PRIM2: variants seen among roughly 807,000 people sequenced by gnomAD.
PRIM2 encodes DNA primase subunit 2.
Under a neutral mutation model 67.3 loss-of-function variants are expected in PRIM2, and 39 were observed. That is an observed-to-expected ratio of 0.58 (90% CI 0.45 to 0.76). The LOEUF (loss-of-function observed/expected upper bound fraction) is 0.76, where lower values mean the gene tolerates loss of function less well. Among genes scored for constraint, PRIM2 ranks in the 30% least tolerant of loss-of-function variants. PRIM2 has a pLI of 0.00. For missense variants in PRIM2, 398 were observed against 598.7 expected, an observed-to-expected ratio of 0.66 and a Z score of 3.50; for synonymous variants, 143 against 198.7, an observed-to-expected ratio of 0.72 and a Z score of 2.36.
At chr6:57,523,441 A>C (rs1397020658) in intron 8 of PRIM2, among the ~76,000 whole-genome samples, 3 of 152,374 alleles carry the variant, frequency 2.0e-5, no homozygotes, top group East Asian at 3.9e-4. Context: ...ACTTGGAGAA[A>C]TTATACAGAT....
At chr6:57,248,304 A>C in the PRIM2 span, among the ~76,000 whole-genome samples, 1 of 152,196 alleles carries the variant, frequency 6.6e-6, no homozygotes, top group African/African-American at 2.4e-5. Context: ...GCAATAAATC[A>C]CACCTATTAA....
intron 5 of PRIM2, among the ~76,000 whole-genome samples, chr6:57,375,050 C>G (rs1769711743): frequency 6.6e-6 from 1 of 152,208 alleles, no homozygotes; most frequent in South Asian, 2.1e-4. Context: ...TATTTGAATA[C>G]TCTTTATTTT....
intron 10 of PRIM2, among the ~76,000 whole-genome samples, chr6:57,581,856 C>A (rs1401157027): frequency 6.6e-6 from 1 of 152,154 alleles, no homozygotes; most frequent in Non-Finnish European, 1.5e-5. Context: ...CATTGAGCAG[C>A]TGCAATTTGC....
intron 13 of PRIM2, among the ~76,000 whole-genome samples, chr6:57,636,332 T>C (rs1777120900): frequency 6.6e-6 from 1 of 152,188 alleles, no homozygotes; most frequent in Non-Finnish European, 1.5e-5. Context: ...TGGATACCTC[T>C]ATTTCTCTAT....
At chr6:57,503,355 T>C (rs1392521318) in intron 7 of PRIM2, among the ~76,000 whole-genome samples, 2 of 152,212 alleles carry the variant, frequency 1.3e-5, no homozygotes, top group Non-Finnish European at 2.9e-5. Flanking sequence ...CAAACCTTTG[T>C]TGGGAAAGTA....
chr6:57,622,816 T>C (rs1776883138), intron 12 of PRIM2, among the ~76,000 whole-genome samples: 1 of 152,200 alleles, frequency 6.6e-6, no homozygotes, highest in Non-Finnish European at 1.5e-5. Flanking sequence ...TTAGTGACTA[T>C]ATTAAATCCA....
At chr6:57,307,808 T>C in the PRIM2 span, among the ~76,000 whole-genome samples, 1 of 152,162 alleles carries the variant, frequency 6.6e-6, no homozygotes, top group Non-Finnish European at 1.5e-5. Flanking sequence ...TCTTCTCTTC[T>C]TCCTATTTCC....
chr6:57,275,173 C>T, the PRIM2 span, among the ~76,000 whole-genome samples: 24 of 151,912 alleles, frequency 1.6e-4, no homozygotes, highest in Non-Finnish European at 2.6e-4. Context: ...TGCAAGCAGA[C>T]GAAATACCAA....
chr6:57,400,990 T>C (rs1770688029), intron 7 of PRIM2, among the ~76,000 whole-genome samples: 1 of 152,198 alleles, frequency 6.6e-6, no homozygotes, highest in Admixed American at 6.5e-5. Context: ...TACTGGCTAT[T>C]TCCTCCTTCA....
chr6:57,467,029 T>C (rs1773215728), intron 7 of PRIM2, among the ~76,000 whole-genome samples: 1 of 141,134 alleles, frequency 7.1e-6, no homozygotes, highest in East Asian at 2.0e-4. Flanking sequence ...CGCTTGAACC[T>C]GGGAAGCGGA....
intron 8 of PRIM2, among the ~76,000 whole-genome samples, chr6:57,528,203 A>G (rs1440482484): frequency 1.3e-5 from 2 of 149,712 alleles, no homozygotes; most frequent in Non-Finnish European, 3.0e-5. Flanking sequence ...TCCTGGGCTC[A>G]AGCGGTCCTC....
chr6:57,597,051 A>G (rs1776379691), intron 10 of PRIM2, among the ~76,000 whole-genome samples: 1 of 151,554 alleles, frequency 6.6e-6, no homozygotes, highest in South Asian at 2.1e-4. Context: ...ACCTCCTATG[A>G]GTAGATGTTT....
At chr6:57,268,784 T>A in the PRIM2 span, among the ~76,000 whole-genome samples, 1 of 65,396 alleles carries the variant, frequency 1.5e-5, no homozygotes, top group Non-Finnish European at 2.7e-5. Flanking sequence ...CCCTCCCCCC[T>A]CCCCCCACCC....
chr6:57,596,697 TTCTTATTC>T (rs1776373917), intron 10 of PRIM2, among the ~76,000 whole-genome samples: 1 of 139,978 alleles, frequency 7.1e-6, no homozygotes, highest in South Asian at 2.2e-4. Flanking sequence ...CTGTCTCTCT[TTCTTATTC>T]TCTTAAAGTA....
At chr6:57,608,133 C>T (rs1776594384) in intron 12 of PRIM2, among the ~76,000 whole-genome samples, 1 of 151,690 alleles carries the variant, frequency 6.6e-6, no homozygotes, top group African/African-American at 2.4e-5. Flanking sequence ...TTCTCTTTGT[C>T]AAGCATTAAA....
intron 8 of PRIM2, among the ~76,000 whole-genome samples, chr6:57,530,553 T>C (rs1581972690): frequency 6.6e-6 from 1 of 152,206 alleles, no homozygotes; most frequent in African/African-American, 2.4e-5. Context: ...AATCTGCTTC[T>C]TCTTAAATTG....
At chr6:57,583,745 C>T (rs1244158575) in intron 10 of PRIM2, among the ~76,000 whole-genome samples, 2 of 152,218 alleles carry the variant, frequency 1.3e-5, no homozygotes, top group Admixed American at 6.5e-5. Context: ...CCTGAGGAAT[C>T]GCCACACTGA....
chr6:57,514,075 C>T (rs1774429085), intron 8 of PRIM2, among the ~76,000 whole-genome samples: 1 of 152,142 alleles, frequency 6.6e-6, no homozygotes, highest in South Asian at 2.1e-4. Flanking sequence ...GATGTTTATA[C>T]AAACCGTTAT....
At chr6:57,560,025 C>G (rs1253451707) in intron 10 of PRIM2, among the ~76,000 whole-genome samples, 2 of 152,120 alleles carry the variant, frequency 1.3e-5, no homozygotes, top group Admixed American at 6.6e-5. Flanking sequence ...TTGACGTTTC[C>G]TTTCATAAAA....
Sources: allele counts gnomAD v4.1 joint callset (sites outside exome capture counted in the v4.1 genomes callset), GRCh38; gene constraint gnomAD v4.1.1; transcripts MANE v1.5; gene names NCBI Gene and HGNC (gene_info 2026-07-23, HGNC 2026-07-21).